The following NEDD4L variants were observed in gnomAD, a reference collection of about 807,000 sequenced individuals.
NEDD4L encodes the protein E3 ubiquitin-protein ligase NEDD4-like.
A neutral mutation model predicts 148.9 loss-of-function variants in NEDD4L; 54 were observed. The ratio of observed to expected loss-of-function variants is 0.36; its 90% CI spans 0.29 to 0.45. The LOEUF (loss-of-function observed/expected upper bound fraction) is 0.45. Among genes scored for constraint, NEDD4L ranks in the 20% least tolerant of loss-of-function variants. The pLI is 1.00. For missense variants in NEDD4L, 856 were observed against 1,233.8 expected, an observed-to-expected ratio of 0.69 and a Z score of 4.59; for synonymous variants, 433 against 440.7, an observed-to-expected ratio of 0.98 and a Z score of 0.22.
chr18:58,080,280 G>A (rs72942933), intron 1 of NEDD4L, among the ~76,000 whole-genome samples: 81 of 152,346 alleles, frequency 5.3e-4, no homozygotes, highest in Non-Finnish European at 8.7e-4. Flanking sequence ...ACCTGGCTCC[G>A]GCATATGCAC....
At chr18:58,105,347 C>T (rs2085007088) in intron 1 of NEDD4L, among the ~76,000 whole-genome samples, 1 of 152,182 alleles carries the variant, frequency 6.6e-6, no homozygotes. Flanking sequence ...TTGACACAGG[C>T]CGTGCTTGCA....
intron 1 of NEDD4L, among the ~76,000 whole-genome samples, chr18:58,159,188 T>G (rs1313073977): frequency 6.6e-6 from 1 of 151,210 alleles, no homozygotes; most frequent in Non-Finnish European, 1.5e-5. Context: ...GACAGGAAGG[T>G]GTGTGGGGTG....
intron 2 of NEDD4L, chr18:58,221,403 G>A (rs982700684): frequency 4.5e-6 from 1 of 224,014 alleles, no homozygotes; most frequent in African/African-American, 2.3e-5. Context: ...CTGGAGATAA[G>A]GCCCCGGGTG....
intron 11 of NEDD4L, among the ~76,000 whole-genome samples, chr18:58,332,629 CAG>C (rs2041148771): frequency 6.6e-6 from 1 of 151,878 alleles, no homozygotes; most frequent in Admixed American, 6.6e-5. Context: ...GCCTGAGCAA[CAG>C]AGTGACACTT....
At chr18:58,346,272 G>T (rs1008744413) in intron 16 of NEDD4L, among the ~76,000 whole-genome samples, 1 of 152,166 alleles carries the variant, frequency 6.6e-6, no homozygotes, top group Admixed American at 6.5e-5. Context: ...CTGAAACCTT[G>T]TAAGCACTGA....
At chr18:58,139,899 G>A (rs1419849883) in intron 1 of NEDD4L, among the ~76,000 whole-genome samples, 6 of 152,204 alleles carry the variant, frequency 3.9e-5, no homozygotes, top group Non-Finnish European at 8.8e-5. Flanking sequence ...TGAGATGGAG[G>A]CTTTGTAGGT....
At chr18:58,058,089 C>T (rs1235964095) in intron 1 of NEDD4L, among the ~76,000 whole-genome samples, 5 of 152,148 alleles carry the variant, frequency 3.3e-5, no homozygotes, top group Admixed American at 6.6e-5. Context: ...AGGTGGATCA[C>T]GAGGTCAGGA....
At chr18:58,109,357 A>G (rs965312039) in intron 1 of NEDD4L, among the ~76,000 whole-genome samples, 4 of 152,212 alleles carry the variant, frequency 2.6e-5, no homozygotes, top group African/African-American at 7.2e-5. Flanking sequence ...TTGCATTAAC[A>G]TTTGAATTAA....
chr18:58,241,716 A>G lies in NEDD4L; in HGVS notation c.123-3711A>G, dbSNP rs1333111291. ...TCTCTATGTTCCATTTCAACTGGAT[A>G]GGGACAGTGTCTTTTGTTTCTGGAA... On this transcript the variant is annotated intron_variant, in intron 2 of 30. Coordinates refer to ENST00000400345, the MANE Select transcript of NEDD4L (RefSeq NM_001144967.3). Among the ~76,000 whole-genome samples, 2 of 151,938 alleles carry G rather than the reference A, an allele frequency of 1.3e-5. 1 individual carries two copies. Among genetic ancestry groups the G allele is most frequent in the Admixed American group, 1.3e-4 (2 of 15,274 alleles).
chr18:58,264,478 A>C (rs2049929493), intron 5 of NEDD4L, among the ~76,000 whole-genome samples: 1 of 151,986 alleles, frequency 6.6e-6, no homozygotes, highest in African/African-American at 2.4e-5. Flanking sequence ...GGAAAGTGAG[A>C]ACTTTCCTTT....
intron 1 of NEDD4L, among the ~76,000 whole-genome samples, chr18:58,094,377 G>A (rs564886831): frequency 3.3e-5 from 5 of 151,878 alleles, no homozygotes; most frequent in African/African-American, 4.8e-5. Context: ...TATAGAGACG[G>A]GATTTCTCCA....
At chr18:58,226,474 T>G (rs1253759769) in intron 2 of NEDD4L, among the ~76,000 whole-genome samples, 1 of 152,212 alleles carries the variant, frequency 6.6e-6, no homozygotes, top group Non-Finnish European at 1.5e-5. Context: ...AATGATGTTT[T>G]GCAACTAAAG....
intron 2 of NEDD4L, among the ~76,000 whole-genome samples, chr18:58,199,450 A>C (rs1388645004): frequency 6.6e-6 from 1 of 152,164 alleles, no homozygotes; most frequent in African/African-American, 2.4e-5. Flanking sequence ...CACCTGACAC[A>C]CAGCCTAAAG....
At position 58,366,075 on chromosome 18, in the gene NEDD4L, C is replaced by A. The variant is rs2046076914; in HGVS notation, c.1910C>A (p.Ser637Tyr). 2 of 1,613,362 alleles carry A rather than the reference C, an allele frequency of 1.2e-6. No individual in the cohort carries two copies. Among genetic ancestry groups the A allele is most frequent in the Admixed American group, 3.3e-5 (2 of 59,928 alleles). ...GAAGAGTCCTATCGGAGAATTATGT[C>A]CGTGAAAAGACCAGATGTCCTAAAA... ...IFEESYRRIM[S>Y]VKRPDVLKAR... The change falls in exon 21 of 31, where the codon TCC becomes TAC. Residue 637 changes from serine (S) to tyrosine (Y), a missense_variant. Around this residue, in one of 4 missense-constraint regions of NEDD4L, gnomAD observed 286 missense variants for 531.8 expected, o/e 0.54. Coordinates refer to ENST00000400345, the MANE Select transcript of NEDD4L (RefSeq NM_001144967.3). The surrounding 1 kb of genome is among the most constrained non-coding windows in gnomAD (Gnocchi z 4.2).
At chr18:58,376,521 C>T (rs1206620888) in intron 24 of NEDD4L, among the ~76,000 whole-genome samples, 2 of 152,136 alleles carry the variant, frequency 1.3e-5, no homozygotes, top group Non-Finnish European at 2.9e-5. Flanking sequence ...ATCTCATCTC[C>T]CATATCCAGT....
At chr18:58,044,959 G>A (rs74431300) in intron 1 of NEDD4L, 1 of 453,500 alleles carries the variant, frequency 2.2e-6, no homozygotes, top group Non-Finnish European at 3.9e-6. Context: ...TCACTCCGCA[G>A]CTCCTCGCTT....
chr18:58,164,549 G>A (rs2036607342), intron 1 of NEDD4L, among the ~76,000 whole-genome samples: 1 of 152,154 alleles, frequency 6.6e-6, no homozygotes, highest in African/African-American at 2.4e-5. Context: ...TTGGCTCACT[G>A]AAAGCCCCAC....
intron 1 of NEDD4L, among the ~76,000 whole-genome samples, chr18:58,068,204 T>G (rs1026063154): frequency 1.6e-4 from 20 of 122,354 alleles, no homozygotes; most frequent in South Asian, 9.7e-4. Flanking sequence ...TTTTTTTTTT[T>G]TTTGTTTTGT....
intron 1 of NEDD4L, among the ~76,000 whole-genome samples, chr18:58,158,408 T>C (rs1288690589): frequency 6.6e-6 from 1 of 152,206 alleles, no homozygotes; most frequent in Non-Finnish European, 1.5e-5. Flanking sequence ...GAAAGAAATA[T>C]CGAGAATTTG....
Sources: allele counts gnomAD v4.1 joint callset (sites outside exome capture counted in the v4.1 genomes callset), GRCh38; gene constraint gnomAD v4.1.1; regional missense constraint gnomAD v4.1.1; non-coding constraint Gnocchi (gnomAD v3.1); transcripts MANE v1.5; gene names NCBI Gene and HGNC (gene_info 2026-07-23, HGNC 2026-07-21).